The following NPRL3 variants were observed in gnomAD, a reference collection of about 807,000 sequenced individuals.
The protein encoded by NPRL3 is GATOR1 complex protein NPRL3.
NPRL3 carries 23 observed loss-of-function variants against 57.2 expected under a neutral mutation model. The observed-to-expected ratio is 0.40, with a 90% CI of 0.29 to 0.57. The LOEUF (loss-of-function observed/expected upper bound fraction) is 0.57, where lower values mean the gene tolerates loss of function less well. NPRL3 is among the 20% of genes least tolerant of loss of function. The probability of loss-of-function intolerance (pLI) is 0.42; values close to 1 mark genes in which losing one functional copy is unlikely to be tolerated. For missense variants in NPRL3, 691 were observed against 767.1 expected (o/e 0.90, Z 1.17); for synonymous variants, 333 against 321.1 (o/e 1.04, Z -0.39).
intron 3 of NPRL3, among the ~76,000 whole-genome samples, chr16:120,629 A>G (rs1471852090): frequency 2.6e-5 from 4 of 152,068 alleles, no homozygotes; most frequent in African/African-American, 9.7e-5. Context: ...GGTCAAACCT[A>G]TTTGTGCCAT....
At chr16:95,628 T>C (rs1209459726) in intron 9 of NPRL3, among the ~76,000 whole-genome samples, 1 of 152,128 alleles carries the variant, frequency 6.6e-6, no homozygotes. Context: ...GACTGCAGTG[T>C]GTAAAATCAC....
In NPRL3 at chr16:135,217, T is replaced by C. The variant is rs542575956; in HGVS notation, c.118+2933A>G. ...CCCAATCAATCATCATTTGGCCACGTTGTGGCCTGTTATAACTCCAGTTCC... is the reference window on the plus strand; with the variant it reads ...CCCAATCAATCATCATTTGGCCACGCTGTGGCCTGTTATAACTCCAGTTCC... On this transcript the variant is annotated intron_variant, in intron 2 of 13. Transcript: ENST00000611875. 1.6e-4 allele frequency among the ~76,000 whole-genome samples: 25 copies of C among 152,350 alleles called. No individual in the cohort carries two copies. The East Asian group carries it at 3.3e-3, about 20-fold the overall frequency.
At chr16:118,975 G>A (rs755255158) in intron 4 of NPRL3, 151 bp downstream of exon 4, 173 of 1,190,816 alleles carry the variant, frequency 1.5e-4, no homozygotes, top group Non-Finnish European at 1.9e-4. Context: ...TCTACCCAGG[G>A]GGAGCCCCAC....
chr16:89,653 C>T, intron 12 of NPRL3, 60 bp downstream of exon 12: 2 of 1,419,364 alleles, frequency 1.4e-6, no homozygotes, highest in African/African-American at 1.5e-5. Flanking sequence ...CGTTGAGCCT[C>T]CTGGATGCCA....
At position 100,453 on chromosome 16, in the gene NPRL3, A is replaced by G; in HGVS notation, c.686T>C (p.Phe229Ser). ...ATAGTGGATCTTGTGGGGCAGGCAG[A>G]AGCTCACCTCCAGCCAGCTGTTGAT... Reference protein sequence around the residue: ...LHINSWLEVSFCLPHKIHYAA... With the variant: ...LHINSWLEVSSCLPHKIHYAA... The change falls in exon 8 of 14, where the codon TTC becomes TCC. Residue 229 changes from phenylalanine (F) to serine (S), a missense_variant. Transcript: ENST00000611875. The G allele has an allele frequency of 1.2e-6, 2 of 1,606,292 alleles. No homozygotes were observed. Among genetic ancestry groups the G allele is most frequent in the Non-Finnish European group, 1.7e-6 (2 of 1,177,102 alleles).
chr16:100,530 T>C, intron 7 of NPRL3, 21 bp from the exon 8 acceptor site: 3 of 1,524,196 alleles, frequency 2.0e-6, no homozygotes, highest in Non-Finnish European at 2.6e-6. Flanking sequence ...TGGGCGCTGT[T>C]ACCCGTTCAC....
intron 3 of NPRL3, among the ~76,000 whole-genome samples, chr16:124,088 G>A (rs1257910421): frequency 1.1e-5 from 1 of 91,302 alleles, no homozygotes; most frequent in Non-Finnish European, 2.2e-5. Flanking sequence ...CCCACGCTGA[G>A]AAACAGATCA....
chr16:107,723 A>G (rs1029136839), intron 7 of NPRL3, among the ~76,000 whole-genome samples: 2 of 152,316 alleles, frequency 1.3e-5, no homozygotes, highest in Non-Finnish European at 2.9e-5. Flanking sequence ...CTACTCAGAC[A>G]CCAGCATAGA....
intron 4 of NPRL3, among the ~76,000 whole-genome samples, chr16:118,619 T>C (rs1033044791): frequency 6.6e-6 from 1 of 152,198 alleles, no homozygotes; most frequent in African/African-American, 2.4e-5. Flanking sequence ...CTGAAGCACC[T>C]GTCTTCAGGG....
chr16:113,375 C>T (rs1899899991), intron 5 of NPRL3, among the ~76,000 whole-genome samples: 1 of 152,244 alleles, frequency 6.6e-6, no homozygotes, highest in Non-Finnish European at 1.5e-5. Flanking sequence ...AGAAGTCACA[C>T]TGGTTAACAA....
At chr16:134,695 T>TA (rs377262459) in intron 2 of NPRL3, among the ~76,000 whole-genome samples, 6,261 of 77,912 alleles carry the variant, frequency 0.08, 175 homozygotes, top group African/African-American at 0.13. Context: ...ATTATTATTA[T>TA]TTTTTTTTTT....
intron 7 of NPRL3, among the ~76,000 whole-genome samples, chr16:103,710 C>T (rs1246758452): frequency 1.3e-5 from 2 of 152,128 alleles, no homozygotes; most frequent in Non-Finnish European, 2.9e-5. Context: ...CCGGGCGTGG[C>T]GGCTCACGCC....
In NPRL3 at chr16:119,255, C is replaced by T. The variant is rs1428881304; in HGVS notation, c.189G>A (p.Arg63=). Residue 63 remains arginine, a splice_region_variant and synonymous_variant, in exon 4 of 14, where the codon AGG becomes AGA. Transcript: ENST00000611875. ...DHADEQDGDS[R]FSDVILATIL... is the part of the protein sequence containing the mutation. ...TTGTTGCCAGAATAACATCTGAAAA[C>T]CTTAAAATTTAAGAGAGGTAGAATA... The T allele has an allele frequency of 7.5e-6, 12 of 1,603,004 alleles. 1 individual carries two copies. The highest frequency in any genetic ancestry group is 2.2e-5 in the South Asian group (2 of 89,212).
At chr16:134,694 A>ATTTTTTTT (rs34425237) in intron 2 of NPRL3, among the ~76,000 whole-genome samples, 26 of 103,422 alleles carry the variant, frequency 2.5e-4, no homozygotes, top group Non-Finnish European at 2.8e-4. Flanking sequence ...AATTATTATT[A>ATTTTTTTT]TTTTTTTTTT....
chr16:88,598 G>C (rs1463013415), intron 13 of NPRL3, 100 bp downstream of exon 13: 1 of 1,082,576 alleles, frequency 9.2e-7, no homozygotes, highest in Non-Finnish European at 1.3e-6. Flanking sequence ...GGCCCCATCT[G>C]TTCTCAGTGG....
chr16:135,103 G>C (rs2857997), intron 2 of NPRL3, among the ~76,000 whole-genome samples: 81,677 of 151,680 alleles, frequency 0.54, 23,521 homozygotes, highest in African/African-American at 0.75. Context: ...ACGATAAAGA[G>C]AGCAGAATCA....
intron 2 of NPRL3, among the ~76,000 whole-genome samples, chr16:132,395 T>G (rs1440048472): frequency 3.3e-5 from 5 of 152,188 alleles, no homozygotes; most frequent in Non-Finnish European, 7.3e-5. Context: ...AGTCACATCT[T>G]TAGGCCCTAC....
chr16:105,912 C>T (rs1178534889), intron 7 of NPRL3, among the ~76,000 whole-genome samples: 3 of 152,204 alleles, frequency 2.0e-5, no homozygotes, highest in Non-Finnish European at 4.4e-5. Flanking sequence ...GTTGGGGTGG[C>T]CTCCTGAGCG....
intron 3 of NPRL3, among the ~76,000 whole-genome samples, chr16:122,097 C>T (rs1350146749): frequency 6.7e-6 from 1 of 148,862 alleles, no homozygotes; most frequent in African/African-American, 2.5e-5. Context: ...AATTGAGCGG[C>T]TTTTTCTTTT....
Sources: gnomAD v4.1 joint callset for allele counts (sites outside exome capture counted in the v4.1 genomes callset) on GRCh38, gnomAD v4.1.1 for gene constraint, MANE v1.5 for transcripts, NCBI Gene and HGNC (gene_info 2026-07-23, HGNC 2026-07-21) for gene names.